Variants in MYH9 observed in about 807,000 individuals in gnomAD.
MYH9 encodes the protein myosin heavy chain 9.
In MYH9, 29 loss-of-function variants were observed where a neutral mutation model predicts 241.9. That is an observed-to-expected ratio of 0.12 (90% CI 0.09 to 0.16). MYH9 has a LOEUF of 0.16. Ranked by LOEUF, MYH9 falls within the 10% of genes least tolerant of loss-of-function variation. The pLI, the probability that MYH9 is intolerant of heterozygous loss-of-function variation, is 1.00. For missense variants in MYH9, 1,803 were observed against 2,595.5 expected (o/e 0.69, Z 6.63); for synonymous variants, 1,047 against 1,062.6 (o/e 0.99, Z 0.29).
intron 1 of MYH9, among the ~76,000 whole-genome samples, chr22:36,384,655 G>C (rs1387555444): frequency 3.2e-5 from 3 of 92,810 alleles, no homozygotes; most frequent in Non-Finnish European, 5.9e-5. Flanking sequence ...TATATATACA[G>C]CCACTACATA....
chr22:36,284,262 C>A lies in MYH9; in HGVS notation c.5596G>T (p.Asp1866Tyr). 6.2e-7 allele frequency: 1 copy of A among 1,609,782 alleles called. No individual in the cohort carries two copies. The highest frequency in any genetic ancestry group is 8.5e-7 in the Non-Finnish European group (1 of 1,179,104). ...RNAEQYKDQA[D>Y]KASTRLKQLK... Reference sequence around the variant, plus strand: ...TGCTTCAGGCGGGTAGATGCCTTGTCGGCCTGCGGAGATGGACGTGTGGCC... The same window carrying A: ...TGCTTCAGGCGGGTAGATGCCTTGTAGGCCTGCGGAGATGGACGTGTGGCC... The change falls in exon 40 of 41, where the codon GAC becomes TAC. Residue 1866 changes from aspartate (D) to tyrosine (Y), a missense_variant. Physicochemically the swap from Asp to Tyr is radical, Grantham distance 160. This residue lies in a region of MYH9 where 876 missense variants were observed against 1,077.8 expected (regional missense o/e 0.81). Coordinates refer to ENST00000216181, the MANE Select transcript of MYH9 (RefSeq NM_002473.6).
Position 36,369,502 on chromosome 22 carries a change from TCA to T in MYH9, c.-20+18303_-20+18304del, listed in dbSNP as rs563400989. Among the ~76,000 whole-genome samples the T allele has an allele frequency of 2.4e-4, 36 of 152,264 alleles. No individual in the cohort carries two copies. In the East Asian group the frequency reaches 6.9e-3, roughly 29 times the overall value. ...GGTACGAGGGGGCGGTATCCATTCT[TCA>T]GAGGGAGGACAGCAAAAACCCAGGT... On this transcript the variant is annotated intron_variant, in intron 1 of 40. Coordinates refer to ENST00000216181, the MANE Select transcript of MYH9 (RefSeq NM_002473.6).
chr22:36,387,544 G>A (rs1257495271), intron 1 of MYH9, among the ~76,000 whole-genome samples: 1 of 151,820 alleles, frequency 6.6e-6, no homozygotes, highest in Admixed American at 6.6e-5. Flanking sequence ...GGGGGGCGCC[G>A]GGGAGCGCCG....
intron 38 of MYH9, 145 bp from the exon 39 acceptor site, chr22:36,284,656 C>G (rs1482164297): frequency 1.3e-6 from 1 of 775,896 alleles, no homozygotes; most frequent in South Asian, 1.5e-5. Flanking sequence ...CCTATGTGTA[C>G]CCGGCTTCTT....
At chr22:36,385,509 G>A (rs188175931) in intron 1 of MYH9, among the ~76,000 whole-genome samples, 27 of 152,202 alleles carry the variant, frequency 1.8e-4, no homozygotes, top group Admixed American at 1.0e-3. Context: ...ATTAACATGC[G>A]TCCTTCATCC....
intron 3 of MYH9, among the ~76,000 whole-genome samples, chr22:36,340,520 G>C (rs4821486): frequency 0.52 from 78,062 of 151,212 alleles, 22,377 homozygotes; most frequent in Non-Finnish European, 0.65. Flanking sequence ...AATTAGCCGT[G>C]CATGGTGGCA....
chr22:36,345,467 A>C (rs1400679608), intron 2 of MYH9, among the ~76,000 whole-genome samples: 1 of 151,996 alleles, frequency 6.6e-6, no homozygotes, highest in Non-Finnish European at 1.5e-5. Flanking sequence ...TGCTTTACTG[A>C]GCAGAGGCCA....
At chr22:36,336,281 T>C (rs1053346293) in intron 3 of MYH9, among the ~76,000 whole-genome samples, 1 of 152,168 alleles carries the variant, frequency 6.6e-6, no homozygotes, top group African/African-American at 2.4e-5. Context: ...AACCAGTGAG[T>C]TCTCCTGTAG....
At position 36,295,030 on chromosome 22, in the gene MYH9, C is replaced by G. The variant is rs1351881642; in HGVS notation, c.3532G>C (p.Glu1178Gln). ...TGGGCCTCGTGGGTCTTGGCCTCCT[C>G]CTCCAGGGTCTTCTTCAGGATGTTC... is the stretch of plus-strand genomic sequence containing the variant. Reference protein sequence around the residue: ...EVNILKKTLEEEAKTHEAQIQ... With the variant: ...EVNILKKTLEQEAKTHEAQIQ... Residue 1178 changes from glutamate to glutamine, a missense_variant, in exon 27 of 41, where the codon GAG (glutamate) becomes CAG (glutamine). This residue lies in a region of MYH9 where 876 missense variants were observed against 1,077.8 expected (regional missense o/e 0.81). Coordinates refer to ENST00000216181, the MANE Select transcript of MYH9 (RefSeq NM_002473.6). The surrounding 1 kb of genome is among the most constrained non-coding windows in gnomAD (Gnocchi z 4.1). 9 of 1,614,100 alleles carry G rather than the reference C, an allele frequency of 5.6e-6. No individual in the cohort carries two copies. The highest frequency in any genetic ancestry group is 7.6e-6 in the Non-Finnish European group (9 of 1,180,052).
chr22:36,289,178 G>C lies in MYH9; in HGVS notation c.4464C>G (p.Ala1488=). The C allele has an allele frequency of 6.2e-7, 1 of 1,613,728 alleles. No homozygotes were observed. The highest frequency in any genetic ancestry group is 8.5e-7 in the Non-Finnish European group (1 of 1,180,042). The change falls in exon 32 of 41, where the codon GCC becomes GCG. Residue 1488 remains alanine, a synonymous_variant. Coordinates refer to ENST00000216181, the MANE Select transcript of MYH9 (RefSeq NM_002473.6). ...GCTCCAGCTCCGCCTTCTGCTCCAT[G>C]GCTTCCTCCAGGGCCCGGGCCAGCG... ...ALSLARALEE[A]MEQKAELERL...
At chr22:36,351,444 G>A (rs1339127913) in intron 1 of MYH9, among the ~76,000 whole-genome samples, 1 of 152,162 alleles carries the variant, frequency 6.6e-6, no homozygotes, top group East Asian at 1.9e-4. Flanking sequence ...CTTTGCTGCG[G>A]GTCTGAGGTC....
At chr22:36,383,893 G>A (rs892136921) in intron 1 of MYH9, among the ~76,000 whole-genome samples, 1 of 151,240 alleles carries the variant, frequency 6.6e-6, no homozygotes, top group Non-Finnish European at 1.5e-5. Context: ...CCAGGAGGCG[G>A]AGGTTGCAGT....
Position 36,289,242 on chromosome 22 carries a change from G to A in MYH9, c.4400C>T (p.Ala1467Val). ...SAKYAEERDR[A>V]EAEAREKETK... ...CTCCTTCTCTCGGGCCTCCGCCTCA[G>A]CCCGGTCGCGCTCCTCTGCATACTT... The change falls in exon 32 of 41, where the codon GCT becomes GTT. Residue 1467 changes from alanine (A) to valine (V), a missense_variant. Physicochemically the swap from Ala to Val is moderately conservative, Grantham distance 64. This residue lies in a region of MYH9 where 876 missense variants were observed against 1,077.8 expected (regional missense o/e 0.81). Coordinates refer to ENST00000216181, the MANE Select transcript of MYH9 (RefSeq NM_002473.6). 1 of 1,612,772 alleles carries A rather than the reference G, an allele frequency of 6.2e-7. No homozygotes were observed. The highest frequency in any genetic ancestry group is 1.1e-5 in the South Asian group (1 of 91,068).
intron 1 of MYH9, among the ~76,000 whole-genome samples, chr22:36,356,580 CAAAAAAAAAAAAAA>C (rs34880972): frequency 1.6e-4 from 4 of 24,648 alleles, no homozygotes; most frequent in Non-Finnish European, 1.7e-4. Flanking sequence ...GACTCCATCT[CAAAAAAAAAAAAAA>C]AAAAAAAAAA....
At chr22:36,363,144 CTAGTATGAATTACTCA>C (rs1325443471) in intron 1 of MYH9, among the ~76,000 whole-genome samples, 7 of 152,178 alleles carry the variant, frequency 4.6e-5, no homozygotes, top group Non-Finnish European at 8.8e-5. Context: ...GCAGCCTCTC[CTAGTATGAATTACTCA>C]TAGTATGAAT....
At position 36,301,565 on chromosome 22, in the gene MYH9, C is replaced by T; in HGVS notation, c.2600G>A (p.Arg867Lys). 6 of 1,613,900 alleles carry T rather than the reference C, an allele frequency of 3.7e-6. No homozygotes were observed. The highest frequency in any genetic ancestry group is 5.1e-6 in the Non-Finnish European group (6 of 1,180,032). The change falls in exon 21 of 41, where the codon AGG becomes AAG. Residue 867 changes from arginine (R) to lysine (K), a missense_variant. Physicochemically the swap from Arg to Lys is conservative, Grantham distance 26 (BLOSUM62 2). Coordinates refer to ENST00000216181, the MANE Select transcript of MYH9 (RefSeq NM_002473.6). ...VREKQLAAEN[R>K]LTEMETLQSQ... ...CTGCAGCGTCTCCATCTCCGTGAGC[C>T]TGTTCTCCGCAGCCAGCTGCTTCTC...
At chr22:36,353,122 T>C (rs78425480) in intron 1 of MYH9, among the ~76,000 whole-genome samples, 6 of 145,896 alleles carry the variant, frequency 4.1e-5, no homozygotes, top group Non-Finnish European at 6.1e-5. Context: ...TGTGTGTGTG[T>C]GTGTGTGTGT....
chr22:36,318,451 CG>C (rs903417795), intron 10 of MYH9, 126 bp from the exon 11 acceptor site: 2 of 813,652 alleles, frequency 2.5e-6, no homozygotes, highest in Admixed American at 3.4e-5. Context: ...AAGAAAGCCA[CG>C]GGGTGAATGA....
intron 1 of MYH9, among the ~76,000 whole-genome samples, chr22:36,361,960 C>A (rs2146406765): frequency 6.6e-6 from 1 of 152,252 alleles, no homozygotes; most frequent in Non-Finnish European, 1.5e-5. Context: ...ATCCCAGCTA[C>A]CCGGGAGGCT....
Sources: allele counts gnomAD v4.1 joint callset (sites outside exome capture counted in the v4.1 genomes callset), GRCh38; gene constraint gnomAD v4.1.1; regional missense constraint gnomAD v4.1.1; non-coding constraint Gnocchi (gnomAD v3.1); transcripts MANE v1.5; gene names NCBI Gene and HGNC (gene_info 2026-07-23, HGNC 2026-07-21).